Variants in NRG1 observed in about 807,000 individuals in gnomAD.
NRG1 encodes the protein pro-neuregulin-1, membrane-bound isoform.
Under a neutral mutation model 63.8 loss-of-function variants are expected in NRG1, and 18 were observed. That is an observed-to-expected ratio of 0.28 (90% CI 0.19 to 0.42). The LOEUF is 0.42. NRG1 is among the 10% of genes least tolerant of loss of function. NRG1 has a pLI of 1.00. For missense variants in NRG1, 762 were observed against 814.7 expected, an observed-to-expected ratio of 0.94 and a Z score of 0.79; for synonymous variants, 302 against 301.3, an observed-to-expected ratio of 1.00 and a Z score of -0.02.
At chr8:32,548,024 G>A (rs1440067282), upstream of NRG1, among the ~76,000 whole-genome samples, 1 of 152,120 alleles carries the variant, frequency 6.6e-6, no homozygotes, top group Non-Finnish European at 1.5e-5. Context: ...TCTCCGGGGC[G>A]CTGGCCTCGG....
chr8:32,198,441 G>T (rs529234249), intron 1 of NRG1, among the ~76,000 whole-genome samples: 1 of 152,200 alleles, frequency 6.6e-6, no homozygotes, highest in Non-Finnish European at 1.5e-5. Flanking sequence ...GCCTCCCAAA[G>T]TGCTGGGATT....
At chr8:32,292,461 G>A (rs1854315801) in intron 1 of NRG1, among the ~76,000 whole-genome samples, 1 of 152,130 alleles carries the variant, frequency 6.6e-6, no homozygotes, top group Non-Finnish European at 1.5e-5. Flanking sequence ...GAACATCTCA[G>A]CAACTATTAT....
intron 5 of NRG1, among the ~76,000 whole-genome samples, chr8:32,653,213 G>A (rs1401527051): frequency 6.6e-6 from 1 of 151,792 alleles, no homozygotes; most frequent in Non-Finnish European, 1.5e-5. Context: ...GTTCTAGACC[G>A]GTTATATGAC....
chr8:32,328,686 T>G (rs568744440), intron 1 of NRG1, among the ~76,000 whole-genome samples: 11 of 152,262 alleles, frequency 7.2e-5, no homozygotes, highest in African/African-American at 2.6e-4. Context: ...AGATGAAACT[T>G]GCCTTCAGTG....
At chr8:31,953,075 A>C (rs1208475273) in intron 1 of NRG1, among the ~76,000 whole-genome samples, 1 of 152,280 alleles carries the variant, frequency 6.6e-6, no homozygotes, top group South Asian at 2.1e-4. Context: ...TTCAATAGCA[A>C]GTGAGCCCCA....
intron 7 of NRG1, among the ~76,000 whole-genome samples, chr8:32,746,334 C>T (rs1165706585): frequency 6.6e-6 from 1 of 152,110 alleles, no homozygotes; most frequent in East Asian, 1.9e-4. Context: ...TTCGAAATCT[C>T]AGCGGTACAG....
At chr8:32,709,293 G>A (rs1321557690) in intron 5 of NRG1, among the ~76,000 whole-genome samples, 1 of 152,100 alleles carries the variant, frequency 6.6e-6, no homozygotes, top group Non-Finnish European at 1.5e-5. Context: ...ATGTGCCTCA[G>A]CTCTCTTATC....
chr8:32,703,169 G>A (rs1043973398), intron 5 of NRG1, among the ~76,000 whole-genome samples: 2 of 152,026 alleles, frequency 1.3e-5, no homozygotes, highest in African/African-American at 4.8e-5. Context: ...AAGACCACAG[G>A]GGCATTCCTC....
intron 1 of NRG1, among the ~76,000 whole-genome samples, chr8:31,848,099 A>T (rs556000294): frequency 1.7e-4 from 26 of 152,188 alleles, no homozygotes; most frequent in Non-Finnish European, 3.1e-4. Context: ...GCACTATTAT[A>T]AATTTTAATG....
At chr8:32,433,313 GGT>G (rs1226235967) in intron 1 of NRG1, among the ~76,000 whole-genome samples, 2 of 152,102 alleles carry the variant, frequency 1.3e-5, no homozygotes, top group Non-Finnish European at 2.9e-5. Flanking sequence ...TTAGCAAAGA[GGT>G]GACAGAATCC....
chr8:31,682,303 T>C (rs1808417030), intron 1 of NRG1, among the ~76,000 whole-genome samples: 1 of 152,120 alleles, frequency 6.6e-6, no homozygotes, highest in Admixed American at 6.6e-5. Flanking sequence ...AGAGTTTCTG[T>C]TGCTCCACAT....
chr8:32,284,477 C>CCCTGCCTGCCTGCCTG (rs202212855), intron 1 of NRG1, among the ~76,000 whole-genome samples: 81 of 141,316 alleles, frequency 5.7e-4, no homozygotes, highest in African/African-American at 1.7e-3. Flanking sequence ...ATGCTTGCCT[C>CCCTGCCTGCCTGCCTG]CCTGCCTGCC....
At chr8:31,886,151 T>C (rs1459541603) in intron 1 of NRG1, among the ~76,000 whole-genome samples, 1 of 152,138 alleles carries the variant, frequency 6.6e-6, no homozygotes, top group African/African-American at 2.4e-5. Flanking sequence ...CCAGAGTTAA[T>C]TGAACAGTTG....
At chr8:32,037,933 C>T (rs529256951) in intron 1 of NRG1, among the ~76,000 whole-genome samples, 18 of 152,226 alleles carry the variant, frequency 1.2e-4, no homozygotes, top group Non-Finnish European at 2.4e-4. Context: ...GGAGCAGGGC[C>T]GCTGAGCAAG....
chr8:32,015,385 G>A (rs549955426), intron 1 of NRG1, among the ~76,000 whole-genome samples: 1 of 152,142 alleles, frequency 6.6e-6, no homozygotes, highest in African/African-American at 2.4e-5. Context: ...AAAGTGAAAG[G>A]AGGTACCTGT....
At chr8:32,071,977 T>A (rs1825815389) in intron 1 of NRG1, among the ~76,000 whole-genome samples, 1 of 152,168 alleles carries the variant, frequency 6.6e-6, no homozygotes, top group South Asian at 2.1e-4. Flanking sequence ...AATATAAGGT[T>A]CTTTAAGGGT....
At chr8:32,505,716 CA>C (rs1234774136) in intron 1 of NRG1, among the ~76,000 whole-genome samples, 1 of 152,208 alleles carries the variant, frequency 6.6e-6, no homozygotes, top group African/African-American at 2.4e-5. Flanking sequence ...CCTGCAATCA[CA>C]GACTTGTGGA....
chr8:31,824,963 G>A (rs1446071707), intron 1 of NRG1, among the ~76,000 whole-genome samples: 2 of 152,168 alleles, frequency 1.3e-5, no homozygotes, highest in Non-Finnish European at 2.9e-5. Flanking sequence ...ATTAAATTTA[G>A]TTATATTGTA....
chr8:32,275,128 G>A (rs16879085), intron 1 of NRG1, among the ~76,000 whole-genome samples: 12,825 of 152,090 alleles, frequency 0.084, 597 homozygotes, highest in African/African-American at 0.11. Context: ...AGGCAGCCAA[G>A]ATACTGTCGG....
Sources: allele counts gnomAD v4.1 joint callset (sites outside exome capture counted in the v4.1 genomes callset), GRCh38; gene constraint gnomAD v4.1.1; transcripts MANE v1.5; gene names NCBI Gene and HGNC (gene_info 2026-07-23, HGNC 2026-07-21).